DCLK1: variants seen among roughly 807,000 people sequenced by gnomAD.
DCLK1 encodes serine/threonine-protein kinase DCLK1.
A neutral mutation model predicts 86.2 loss-of-function variants in DCLK1; 16 were observed. The ratio of observed to expected loss-of-function variants is 0.19; its 90% CI spans 0.13 to 0.28. DCLK1 has a LOEUF of 0.28. DCLK1 is among the 10% of genes least tolerant of loss of function. DCLK1 has a pLI of 1.00. For missense variants in DCLK1, 590 were observed against 940.2 expected, an observed-to-expected ratio of 0.63 and a Z score of 4.87; for synonymous variants, 369 against 370.5, an observed-to-expected ratio of 1.00 and a Z score of 0.05.
chr13:35,801,458 A>AT (rs57750199), intron 15 of DCLK1, among the ~76,000 whole-genome samples: 9 of 151,092 alleles, frequency 6.0e-5, no homozygotes, highest in South Asian at 2.1e-4. Flanking sequence ...TATTAAAACC[A>AT]TTTTTTTTTT....
rs183390913 is a variant in DCLK1 at position 35,982,451 on chromosome 13, G to A, written c.724-34994C>T. ...GAGAGAGGGGGAGGGAGGGAGGGAG[G>A]GAGGGAGGGAGGGAGGGAGGGAGGG... On this transcript the variant is annotated intron_variant, in intron 3 of 16. Transcript: ENST00000360631. 1.8e-4 allele frequency among the ~76,000 whole-genome samples: 16 copies of A among 86,986 alleles called. No homozygotes were observed. In the East Asian group the frequency reaches 1.9e-3, roughly 11 times the overall value. The allele number at this position is 86,986 out of a possible 152,430, so 57.1% of individuals were successfully genotyped here.
intron 3 of DCLK1, among the ~76,000 whole-genome samples, chr13:36,089,148 A>G (rs1884726404): frequency 1.3e-5 from 2 of 152,176 alleles, no homozygotes; most frequent in African/African-American, 4.8e-5. Context: ...ATGCTTCGGA[A>G]GCGGTTTTAA....
chr13:36,078,579 A>C, intron 3 of DCLK1, among the ~76,000 whole-genome samples: 1 of 152,218 alleles, frequency 6.6e-6, no homozygotes, highest in East Asian at 1.9e-4. Flanking sequence ...GTAGATACTG[A>C]AACATTTTCA....
intron 10 of DCLK1, among the ~76,000 whole-genome samples, chr13:35,824,097 A>G (rs2087463077): frequency 6.6e-6 from 1 of 152,130 alleles, no homozygotes; most frequent in African/African-American, 2.4e-5. Context: ...CTGGAGTTCC[A>G]CCACAGGGCA....
chr13:35,856,177 G>A (rs1194888375), intron 5 of DCLK1, among the ~76,000 whole-genome samples: 2 of 152,146 alleles, frequency 1.3e-5, no homozygotes, highest in African/African-American at 4.8e-5. Flanking sequence ...ATGAATTTTT[G>A]TTTGTTTGTT....
chr13:35,828,511 C>T (rs889927825), intron 8 of DCLK1, among the ~76,000 whole-genome samples: 2 of 152,118 alleles, frequency 1.3e-5, no homozygotes, highest in Non-Finnish European at 2.9e-5. Context: ...AGTAAGTCTG[C>T]TGGCATAGAG....
chr13:35,785,191 G>A (rs2086598912), intron 16 of DCLK1, among the ~76,000 whole-genome samples: 1 of 152,162 alleles, frequency 6.6e-6, no homozygotes, highest in Non-Finnish European at 1.5e-5. Flanking sequence ...CTGTTGCCCT[G>A]TTCTGTGTGC....
chr13:35,863,284 C>CT (rs1431595778), intron 5 of DCLK1, among the ~76,000 whole-genome samples: 1 of 152,168 alleles, frequency 6.6e-6, no homozygotes, highest in Non-Finnish European at 1.5e-5. Context: ...ATATAAGCAA[C>CT]TTGAAGGCAA....
intron 11 of DCLK1, among the ~76,000 whole-genome samples, chr13:35,813,476 A>G (rs2153103405): frequency 6.6e-6 from 1 of 152,322 alleles, no homozygotes; most frequent in South Asian, 2.1e-4. Context: ...TAGAAATTCC[A>G]TCTAACATAT....
chr13:35,830,059 C>G (rs1868825446), intron 8 of DCLK1, among the ~76,000 whole-genome samples: 2 of 152,172 alleles, frequency 1.3e-5, no homozygotes, highest in Non-Finnish European at 2.9e-5. Flanking sequence ...GAGGAGAAGG[C>G]ACTGGAGTGT....
At chr13:35,826,024 G>A (rs1352957972) in intron 10 of DCLK1, among the ~76,000 whole-genome samples, 1 of 151,760 alleles carries the variant, frequency 6.6e-6, no homozygotes. Flanking sequence ...ATGTTGGCCA[G>A]GATGGTCTCA....
At chr13:35,789,526 G>A (rs1191233072) in intron 16 of DCLK1, among the ~76,000 whole-genome samples, 1 of 152,194 alleles carries the variant, frequency 6.6e-6, no homozygotes. Flanking sequence ...TACAGGCAAA[G>A]TGTCATATAA....
At chr13:35,830,012 A>T (rs73176195) in intron 8 of DCLK1, among the ~76,000 whole-genome samples, 3,543 of 152,342 alleles carry the variant, frequency 0.023, 71 homozygotes, top group Non-Finnish European at 0.038. Flanking sequence ...ATGTTCCCAC[A>T]TAAACACTAG....
chr13:35,848,126 G>C, intron 6 of DCLK1: 2 of 985,266 alleles, frequency 2.0e-6, no homozygotes, highest in South Asian at 9.4e-5. Context: ...TCTTCAGAGC[G>C]CATTTAAGGA....
intron 4 of DCLK1, among the ~76,000 whole-genome samples, chr13:35,896,573 G>T (rs1290824497): frequency 7.5e-6 from 1 of 133,018 alleles, no homozygotes; most frequent in African/African-American, 2.7e-5. Flanking sequence ...AAAATATGCT[G>T]TTAGAACTTG....
chr13:35,914,872 A>G (rs185066066), intron 4 of DCLK1, among the ~76,000 whole-genome samples: 2 of 152,324 alleles, frequency 1.3e-5, no homozygotes, highest in Admixed American at 1.3e-4. Flanking sequence ...AGGCCTGGCA[A>G]ACAGTAAAAT....
At position 35,978,912 on chromosome 13, in the gene DCLK1, C is replaced by T. The variant is rs185101026; in HGVS notation, c.724-31455G>A. Among the ~76,000 whole-genome samples, 1,082 of 152,310 alleles carry T rather than the reference C, an allele frequency of 7.1e-3. 12 individuals carry two copies. The highest frequency in any genetic ancestry group is 7.1e-3 in the Non-Finnish European group (486 of 68,036). On this transcript the variant is annotated intron_variant, in intron 3 of 16. Transcript: ENST00000360631. ...CCCAAACAGAATACACACCTATTACCTTACTAGTAAGAGTAATAACCACCA... is the reference window on the plus strand; with the variant it reads ...CCCAAACAGAATACACACCTATTACTTTACTAGTAAGAGTAATAACCACCA...
chr13:35,905,411 C>G (rs527435297), intron 4 of DCLK1, among the ~76,000 whole-genome samples: 1 of 152,078 alleles, frequency 6.6e-6, no homozygotes, highest in African/African-American at 2.4e-5. Context: ...AGAGAAGATC[C>G]CACCCTATCC....
chr13:35,847,480 A>G, intron 6 of DCLK1: 11 of 985,046 alleles, frequency 1.1e-5, no homozygotes, highest in Non-Finnish European at 1.2e-5. Flanking sequence ...ACACCCAAAC[A>G]CCTGTATAGA....
Sources: allele counts gnomAD v4.1 joint callset (sites outside exome capture counted in the v4.1 genomes callset), GRCh38; gene constraint gnomAD v4.1.1; transcripts MANE v1.5; gene names NCBI Gene and HGNC (gene_info 2026-07-23, HGNC 2026-07-21).